AJAP1: variants seen among roughly 807,000 people sequenced by gnomAD.
AJAP1 encodes the protein adherens junction-associated protein 1.
Under a neutral mutation model 35.0 loss-of-function variants are expected in AJAP1, and 5 were observed. That is an observed-to-expected ratio of 0.14 (90% CI 0.07 to 0.30). The LOEUF is 0.30. AJAP1 is among the 10% of genes least tolerant of loss of function. AJAP1 has a pLI of 1.00. For missense variants in AJAP1, 586 were observed against 571.0 expected, an observed-to-expected ratio of 1.03 and a Z score of -0.27; for synonymous variants, 284 against 249.3, an observed-to-expected ratio of 1.14 and a Z score of -1.31.
At chr1:4,737,489 C>G (rs1640955699) in intron 2 of AJAP1, among the ~76,000 whole-genome samples, 1 of 151,906 alleles carries the variant, frequency 6.6e-6, no homozygotes. Context: ...GGGAGCCCCC[C>G]CGAGACGGAA....
Position 4,720,884 on chromosome 1 carries a change from G to A in AJAP1, c.829+8185G>A, listed in dbSNP as rs1386471932. On this transcript the variant is annotated intron_variant, in intron 2 of 5. Coordinates refer to ENST00000378191, the MANE Select transcript of AJAP1 (RefSeq NM_018836.4). The surrounding 1 kb of genome is among the most constrained non-coding windows in gnomAD (Gnocchi z 4.4). ...GGAAGGCCTCAGTTCTCACTGTGGTGGTCAGACCTACCTCAGGAAGCCCTC... is the reference window on the plus strand; with the variant it reads ...GGAAGGCCTCAGTTCTCACTGTGGTAGTCAGACCTACCTCAGGAAGCCCTC... Among the ~76,000 whole-genome samples the A allele has an allele frequency of 6.6e-6, 1 of 152,132 alleles. No homozygotes were observed. Among genetic ancestry groups the A allele is most frequent in the Non-Finnish European group, 1.5e-5 (1 of 68,038 alleles).
chr1:4,733,647 C>T (rs1271753010), intron 2 of AJAP1, among the ~76,000 whole-genome samples: 1 of 151,714 alleles, frequency 6.6e-6, no homozygotes, highest in African/African-American at 2.4e-5. Flanking sequence ...GATCCTGCTC[C>T]GAGCGCGGGA....
intron 1 of AJAP1, among the ~76,000 whole-genome samples, chr1:4,679,190 G>A (rs958951808): frequency 6.6e-6 from 1 of 152,154 alleles, no homozygotes; most frequent in Non-Finnish European, 1.5e-5. Context: ...GAAACCTGCT[G>A]CCTGACGTAG....
chr1:4,770,110 G>T lies in AJAP1; in HGVS notation c.917+170G>T, dbSNP rs549943362. On this transcript the variant is annotated intron_variant, in intron 3 of 5. Coordinates refer to ENST00000378191, the MANE Select transcript of AJAP1 (RefSeq NM_018836.4). ...CCGTCCAGCGCTGCCCTTTGGCCCG[G>T]CCCCTCTCCTGGTTTCCCTGCAGAA... is the stretch of plus-strand genomic sequence containing the variant. Among the ~76,000 whole-genome samples the T allele has an allele frequency of 3.7e-3, 571 of 152,296 alleles. 10 individuals are homozygous for T. Among genetic ancestry groups the T allele is most frequent in the Non-Finnish European group, 2.8e-3 (189 of 68,010 alleles).
intron 2 of AJAP1, among the ~76,000 whole-genome samples, chr1:4,751,027 C>T (rs1210518614): frequency 3.3e-5 from 5 of 151,766 alleles, no homozygotes; most frequent in Non-Finnish European, 5.9e-5. Context: ...GGTCACCACT[C>T]GATAGTGACC....
intron 1 of AJAP1, among the ~76,000 whole-genome samples, chr1:4,698,169 C>G (rs915814378): frequency 6.6e-6 from 1 of 152,144 alleles, no homozygotes; most frequent in African/African-American, 2.4e-5. Context: ...GCCGTGCCAG[C>G]GTGTTTCCCC....
chr1:4,668,011 T>C (rs569996948), intron 1 of AJAP1, among the ~76,000 whole-genome samples: 3 of 152,178 alleles, frequency 2.0e-5, no homozygotes, highest in African/African-American at 7.2e-5. Flanking sequence ...GGTCAGGAGT[T>C]CAAGACCAGC....
intron 1 of AJAP1, among the ~76,000 whole-genome samples, chr1:4,702,745 G>T (rs1640016228): frequency 6.6e-6 from 1 of 152,098 alleles, no homozygotes; most frequent in Admixed American, 6.5e-5. Context: ...CCTCCGCTGG[G>T]TACTCTCCTC....
intron 1 of AJAP1, among the ~76,000 whole-genome samples, chr1:4,691,401 C>A (rs957470489): frequency 6.6e-6 from 1 of 152,204 alleles, no homozygotes; most frequent in African/African-American, 2.4e-5. Context: ...GGACGAGGTG[C>A]CCTGTGCTTC....
chr1:4,714,108 G>T (rs191580123), intron 2 of AJAP1, among the ~76,000 whole-genome samples: 26 of 152,034 alleles, frequency 1.7e-4, no homozygotes, highest in African/African-American at 5.8e-4. Flanking sequence ...AGAACCTGCG[G>T]TTTTTTTTCT....
chr1:4,673,033 G>A (rs1289137027), intron 1 of AJAP1, among the ~76,000 whole-genome samples: 2 of 152,172 alleles, frequency 1.3e-5, no homozygotes, highest in Non-Finnish European at 2.9e-5. Flanking sequence ...TGGGACCTCT[G>A]TCCTACAGCC....
chr1:4,721,091 C>T (rs3820251), intron 2 of AJAP1, among the ~76,000 whole-genome samples: 19,773 of 152,222 alleles, frequency 0.13, 1,543 homozygotes, highest in Admixed American at 0.26. Context: ...CCTCCCTTTA[C>T]GTAGCTGGAA....
chr1:4,655,584 C>G lies in AJAP1; in HGVS notation c.29+130C>G, dbSNP rs2100496489. On this transcript the variant is annotated intron_variant, in intron 1 of 5. Transcript: ENST00000378191. The surrounding 1 kb of genome is among the most constrained non-coding windows in gnomAD (Gnocchi z 6.9). ...TCCCGCAAGCGGGCAACGGGGTGCA[C>G]CGGTAGCCGGAAAGGGGCGCCCGCC... 2.5e-6 allele frequency: 3 copies of G among 1,189,120 alleles called. No homozygotes were observed. The highest frequency in any genetic ancestry group is 2.3e-4 in the Middle Eastern group (1 of 4,266). The allele number at this position is 1,189,120 out of a possible 1,614,324, so 73.7% of individuals were successfully genotyped here.
chr1:4,690,476 C>G (rs569982649), intron 1 of AJAP1, among the ~76,000 whole-genome samples: 84 of 152,312 alleles, frequency 5.5e-4, no homozygotes, highest in African/African-American at 1.9e-3. Flanking sequence ...ACCAGGGGCG[C>G]GTGGAGGTGG....
intron 1 of AJAP1, among the ~76,000 whole-genome samples, chr1:4,695,600 C>T (rs758757695): frequency 7.9e-5 from 12 of 152,118 alleles, no homozygotes; most frequent in African/African-American, 2.2e-4. Flanking sequence ...TGTGTTTCCT[C>T]GTAGTTTCGA....
chr1:4,761,810 C>G (rs1287625193), intron 2 of AJAP1, among the ~76,000 whole-genome samples: 1 of 152,134 alleles, frequency 6.6e-6, no homozygotes, highest in Non-Finnish European at 1.5e-5. Context: ...AAGACTAAAC[C>G]CATCTAGTCT....
At chr1:4,737,851 A>C (rs1355301317) in intron 2 of AJAP1, among the ~76,000 whole-genome samples, 3 of 152,200 alleles carry the variant, frequency 2.0e-5, no homozygotes, top group Admixed American at 6.5e-5. Context: ...GCCGTGAACC[A>C]TGATTGCACT....
At chr1:4,766,743 G>A (rs1435157070) in intron 2 of AJAP1, among the ~76,000 whole-genome samples, 3 of 152,224 alleles carry the variant, frequency 2.0e-5, no homozygotes, top group East Asian at 3.8e-4. Flanking sequence ...ATGTGCAGGT[G>A]TGTGGGATTT....
chr1:4,778,289 G>A (rs1330871795), intron 5 of AJAP1, among the ~76,000 whole-genome samples: 2 of 152,180 alleles, frequency 1.3e-5, no homozygotes, highest in East Asian at 3.9e-4. Flanking sequence ...TCCAGCCATG[G>A]GGTCCAGGCC....
Sources: gnomAD v4.1 joint callset for allele counts (sites outside exome capture counted in the v4.1 genomes callset) on GRCh38, gnomAD v4.1.1 for gene constraint, Gnocchi (gnomAD v3.1) non-coding constraint, MANE v1.5 for transcripts, NCBI Gene and HGNC (gene_info 2026-07-23, HGNC 2026-07-21) for gene names.